The following MROH2B variants were observed in gnomAD, a reference collection of about 807,000 sequenced individuals.
The protein encoded by MROH2B is maestro heat-like repeat-containing protein family member 2B.
Under a neutral mutation model 208.6 loss-of-function variants are expected in MROH2B, and 177 were observed. The ratio of observed to expected loss-of-function variants is 0.85; its 90% CI spans 0.75 to 0.96. The LOEUF (loss-of-function observed/expected upper bound fraction) is 0.96, where lower values mean the gene tolerates loss of function less well. Among genes scored for constraint, MROH2B ranks in the 40% least tolerant of loss-of-function variants. The probability of loss-of-function intolerance (pLI) is 0.00; values close to 1 mark genes in which losing one functional copy is unlikely to be tolerated. For synonymous variants in MROH2B, 728 were observed against 659.0 expected (o/e 1.10, Z -1.60); for missense variants, 2,002 against 1,878.7 (o/e 1.07, Z -1.21).
intron 38 of MROH2B, 68 bp downstream of exon 38, chr5:41,000,610 C>T (rs956531288): frequency 2.0e-6 from 3 of 1,522,414 alleles, no homozygotes; most frequent in African/African-American, 2.8e-5. Context: ...TGCAGCTAGA[C>T]CAGGCTTATT....
Position 41,057,103 on chromosome 5 carries a change from T to A in MROH2B, c.919+6A>T. The A allele has an allele frequency of 6.2e-7, 1 of 1,613,936 alleles. No individual in the cohort carries two copies. On this transcript the variant is annotated splice_donor_region_variant and intron_variant, in intron 9 of 41. Coordinates refer to ENST00000399564, the MANE Select transcript of MROH2B (RefSeq NM_173489.5). ...TTATTAAAAGCCTTCTGGATGCTGG[T>A]CCTACCTAGAATGAGAAAACAGCTT...
chr5:41,034,086 G>C, intron 21 of MROH2B: 1 of 984,578 alleles, frequency 1.0e-6, no homozygotes, highest in Non-Finnish European at 1.2e-6. Flanking sequence ...GGTAAGTCAT[G>C]AGTAAGCTGC....
chr5:41,029,132 A>G (rs1441139714), intron 24 of MROH2B, among the ~76,000 whole-genome samples: 2 of 151,964 alleles, frequency 1.3e-5, no homozygotes, highest in Non-Finnish European at 2.9e-5. Context: ...TCTTGCTAAC[A>G]TGTGTTAGGG....
At chr5:41,022,508 G>A (rs1057349680) in intron 24 of MROH2B, among the ~76,000 whole-genome samples, 5 of 152,206 alleles carry the variant, frequency 3.3e-5, no homozygotes, top group South Asian at 2.1e-4. Context: ...GGGGAGGGGC[G>A]CCCGCCATTG....
intron 9 of MROH2B, among the ~76,000 whole-genome samples, chr5:41,056,320 A>G (rs1266975440): frequency 6.6e-6 from 1 of 152,124 alleles, no homozygotes; most frequent in Non-Finnish European, 1.5e-5. Context: ...ACAGTGGTTT[A>G]TTCTAGAAAG....
chr5:41,027,621 A>T (rs1258558156), intron 24 of MROH2B, among the ~76,000 whole-genome samples: 3 of 152,234 alleles, frequency 2.0e-5, no homozygotes, highest in African/African-American at 7.2e-5. Context: ...ATTGTGGAAG[A>T]CAGTGTGGCG....
At chr5:41,056,550 T>C (rs1400201663) in intron 9 of MROH2B, among the ~76,000 whole-genome samples, 3 of 152,078 alleles carry the variant, frequency 2.0e-5, no homozygotes, top group Admixed American at 6.5e-5. Flanking sequence ...TATGGGAGCA[T>C]AGTTTTGTAT....
At chr5:41,033,654 G>A (rs1169110622) in intron 22 of MROH2B, among the ~76,000 whole-genome samples, 184 bp downstream of exon 22, 2 of 151,972 alleles carry the variant, frequency 1.3e-5, no homozygotes, top group South Asian at 2.1e-4. Context: ...CCAGAATATA[G>A]TTCCTTGTTC....
At chr5:41,005,425 C>CACCT (rs58129703) in intron 35 of MROH2B, 106 bp downstream of exon 35, 3 of 216,680 alleles carry the variant, frequency 1.4e-5, no homozygotes, top group East Asian at 8.6e-5. Flanking sequence ...CCCCCCCCCC[C>CACCT]TTGAAGTCTC....
intron 15 of MROH2B, 60 bp from the exon 16 acceptor site, chr5:41,048,525 T>A: frequency 6.7e-7 from 1 of 1,502,494 alleles, no homozygotes; most frequent in Non-Finnish European, 8.9e-7. Flanking sequence ...CCCCACTTAT[T>A]TTTCCCTTTT....
chr5:41,065,220 G>T, intron 4 of MROH2B, 111 bp downstream of exon 4: 1 of 1,081,516 alleles, frequency 9.2e-7, no homozygotes, highest in Non-Finnish European at 1.3e-6. Context: ...ATATTTCTTG[G>T]TACAGAAGAA....
chr5:41,037,108 G>A lies in MROH2B; in HGVS notation c.2214+1628C>T, dbSNP rs145297838. ...TAGAGTGCACTGGGACTAATGGTAT[G>A]TACCACCCCACCTGGGCAATTGTTT... On this transcript the variant is annotated intron_variant, in intron 21 of 41. Transcript: ENST00000399564. Among the ~76,000 whole-genome samples, 11 of 152,120 alleles carry A rather than the reference G, an allele frequency of 7.2e-5. No homozygotes were observed. The East Asian group carries it at 1.9e-3, about 27-fold the overall frequency.
At chr5:41,048,155 A>G (rs909087867) in intron 16 of MROH2B, 169 bp downstream of exon 16, 3 of 726,092 alleles carry the variant, frequency 4.1e-6, no homozygotes, top group Non-Finnish European at 6.1e-6. Context: ...TATTGGCAAG[A>G]AACAGAACAT....
intron 24 of MROH2B, among the ~76,000 whole-genome samples, chr5:41,023,653 C>G (rs1453983602): frequency 6.6e-6 from 1 of 151,994 alleles, no homozygotes; most frequent in Non-Finnish European, 1.5e-5. Context: ...GCAAGGCAGG[C>G]CAACATTCAA....
intron 7 of MROH2B, 60 bp from the exon 8 acceptor site, chr5:41,057,420 G>T: frequency 8.0e-7 from 1 of 1,251,126 alleles, no homozygotes; most frequent in African/African-American, 1.5e-5. Flanking sequence ...TGCACAGGAT[G>T]TGGAAGGCAA....
intron 1 of MROH2B, among the ~76,000 whole-genome samples, chr5:41,070,401 G>T (rs1743951171): frequency 6.6e-6 from 1 of 152,158 alleles, no homozygotes; most frequent in African/African-American, 2.4e-5. Context: ...GTTGGTAGGA[G>T]AAATACTTTT....
intron 11 of MROH2B, 141 bp from the exon 12 acceptor site, chr5:41,052,728 G>T: frequency 1.4e-6 from 1 of 724,478 alleles, no homozygotes; most frequent in Non-Finnish European, 1.9e-6. Context: ...TGTTAATACA[G>T]ATTGAATAAT....
intron 40 of MROH2B, among the ~76,000 whole-genome samples, chr5:40,999,470 C>A (rs1741315403): frequency 1.3e-5 from 2 of 152,058 alleles, no homozygotes; most frequent in Admixed American, 1.3e-4. Flanking sequence ...GTAGGTGAGT[C>A]AGGAGAGGTT....
rs1270248003 is a variant in MROH2B, at chr5:41,061,597, C to T, written c.588G>A (p.Lys196=). ...IFMLFWYIME[K]WAPLASPMQT... ...GCATGGGTGAGGCCAAAGGGGCCCA[C>T]TTCTCCATTATATACCAGAACAGCA... is the stretch of plus-strand genomic sequence containing the variant. The change falls in exon 6 of 42, where the codon AAG becomes AAA. Residue 196 remains lysine (K), a synonymous_variant. Coordinates refer to ENST00000399564, the MANE Select transcript of MROH2B (RefSeq NM_173489.5). 1 of 1,613,574 alleles carries T rather than the reference C, an allele frequency of 6.2e-7. No homozygotes were observed. The highest frequency in any genetic ancestry group is 2.2e-5 in the East Asian group (1 of 44,882).
Sources: gnomAD v4.1 joint callset for allele counts (sites outside exome capture counted in the v4.1 genomes callset) on GRCh38, gnomAD v4.1.1 for gene constraint, MANE v1.5 for transcripts, NCBI Gene and HGNC (gene_info 2026-07-23, HGNC 2026-07-21) for gene names.